The following FAM117B variants were observed in gnomAD, a reference collection of about 807,000 sequenced individuals.
FAM117B encodes the protein protein FAM117B.
Under a neutral mutation model 52.8 loss-of-function variants are expected in FAM117B, and 22 were observed. The observed-to-expected ratio is 0.42, with a 90% CI of 0.30 to 0.59. The LOEUF (loss-of-function observed/expected upper bound fraction) is 0.59. FAM117B is among the 20% of genes least tolerant of loss of function. FAM117B has a pLI of 0.22. For synonymous variants in FAM117B, 309 were observed against 324.1 expected (o/e 0.95, Z 0.50); for missense variants, 678 against 802.6 (o/e 0.84, Z 1.88).
chr2:202,663,876 G>A lies in FAM117B; in HGVS notation c.601+28088G>A, dbSNP rs954544533. 1.4e-4 allele frequency among the ~76,000 whole-genome samples: 21 copies of A among 152,192 alleles called. 1 individual carries two copies. The highest frequency in any genetic ancestry group is 5.9e-4 in the Admixed American group (9 of 15,256). Reference sequence around the variant, plus strand: ...TGGGATTACAGGCGTGAGCCACTGCGCCCAGCCCCATTAAGCTTTTTATAT... The same window carrying A: ...TGGGATTACAGGCGTGAGCCACTGCACCCAGCCCCATTAAGCTTTTTATAT... On this transcript the variant is annotated intron_variant, in intron 1 of 7. Coordinates refer to ENST00000392238, the MANE Select transcript of FAM117B (RefSeq NM_173511.4).
intron 2 of FAM117B, among the ~76,000 whole-genome samples, chr2:202,716,874 T>G (rs914257430): frequency 6.6e-6 from 1 of 152,214 alleles, no homozygotes; most frequent in African/African-American, 2.4e-5. Flanking sequence ...TTTTAATTAT[T>G]TCAATCTCTT....
intron 1 of FAM117B, among the ~76,000 whole-genome samples, chr2:202,647,994 G>C (rs1574540059): frequency 6.6e-6 from 1 of 151,996 alleles, no homozygotes; most frequent in South Asian, 2.1e-4. Context: ...CTCTGTAATT[G>C]TATGGTTTAA....
intron 1 of FAM117B, among the ~76,000 whole-genome samples, chr2:202,693,525 G>A (rs987756239): frequency 2.0e-5 from 3 of 152,224 alleles, no homozygotes; most frequent in Admixed American, 6.5e-5. Context: ...GAACCTGGGA[G>A]GTGGAGGTTG....
chr2:202,718,977 C>T (rs114096698), intron 2 of FAM117B, among the ~76,000 whole-genome samples: 4 of 152,160 alleles, frequency 2.6e-5, no homozygotes, highest in Non-Finnish European at 5.9e-5. Context: ...TTCCTCTTGA[C>T]CTCCAATCGT....
At chr2:202,648,655 A>C (rs1201249545) in intron 1 of FAM117B, among the ~76,000 whole-genome samples, 1 of 151,862 alleles carries the variant, frequency 6.6e-6, no homozygotes, top group Non-Finnish European at 1.5e-5. Context: ...CATTTAGATC[A>C]TTTCTAGCCT....
At chr2:202,679,399 G>C (rs1427830325) in intron 1 of FAM117B, among the ~76,000 whole-genome samples, 3 of 152,148 alleles carry the variant, frequency 2.0e-5, no homozygotes, top group Admixed American at 2.0e-4. Context: ...AGAGAAGAGG[G>C]AACTGTGTAG....
At position 202,719,294 on chromosome 2, in the gene FAM117B, G is replaced by A. The variant is rs527775186; in HGVS notation, c.754-5623G>A. On this transcript the variant is annotated intron_variant, in intron 2 of 7. Coordinates refer to ENST00000392238, the MANE Select transcript of FAM117B (RefSeq NM_173511.4). ...TTTTTATTTGTCTTAGTAATTAATAGTGTTACTCTCATCATCTTTAATTTG... is the reference window on the plus strand; with the variant it reads ...TTTTTATTTGTCTTAGTAATTAATAATGTTACTCTCATCATCTTTAATTTG... Among the ~76,000 whole-genome samples the A allele has an allele frequency of 5.3e-5, 8 of 152,258 alleles. No individual in the cohort carries two copies. The East Asian group carries it at 1.5e-3, about 29-fold the overall frequency.
At chr2:202,683,348 A>C (rs1229288862) in intron 1 of FAM117B, among the ~76,000 whole-genome samples, 2 of 152,110 alleles carry the variant, frequency 1.3e-5, no homozygotes, top group Admixed American at 6.6e-5. Flanking sequence ...AAAAACCAAA[A>C]CAAAACAAAA....
intron 4 of FAM117B, among the ~76,000 whole-genome samples, chr2:202,730,901 C>T (rs963583604): frequency 6.6e-6 from 1 of 152,062 alleles, no homozygotes; most frequent in African/African-American, 2.4e-5. Context: ...ATAAATTGTA[C>T]TTTATCAAAA....
chr2:202,711,402 T>G (rs1188490391), intron 2 of FAM117B, among the ~76,000 whole-genome samples: 1 of 152,188 alleles, frequency 6.6e-6, no homozygotes, highest in African/African-American at 2.4e-5. Context: ...AATTGGATTA[T>G]TAGAGTTTTG....
chr2:202,703,903 C>G (rs1179563843), intron 2 of FAM117B, among the ~76,000 whole-genome samples: 2 of 152,208 alleles, frequency 1.3e-5, no homozygotes, highest in Non-Finnish European at 1.5e-5. Flanking sequence ...AACTTTTTCA[C>G]AGCAGCTGTA....
intron 4 of FAM117B, among the ~76,000 whole-genome samples, chr2:202,753,420 A>G (rs1691754259): frequency 6.6e-6 from 1 of 152,182 alleles, no homozygotes; most frequent in African/African-American, 2.4e-5. Context: ...CCTAGAAGAA[A>G]ACCTAGGCAA....
chr2:202,736,157 A>G (rs573717399), intron 4 of FAM117B, among the ~76,000 whole-genome samples: 1 of 152,362 alleles, frequency 6.6e-6, no homozygotes, highest in South Asian at 2.1e-4. Context: ...TTACTGCCCT[A>G]CACTAAAATC....
intron 2 of FAM117B, among the ~76,000 whole-genome samples, chr2:202,718,499 A>G (rs1001750320): frequency 9.9e-5 from 15 of 152,170 alleles, no homozygotes; most frequent in Admixed American, 5.2e-4. Flanking sequence ...GGCATATTAT[A>G]TCAGTTGATT....
At chr2:202,709,972 T>C (rs1690933762) in intron 2 of FAM117B, among the ~76,000 whole-genome samples, 3 of 152,240 alleles carry the variant, frequency 2.0e-5, no homozygotes, top group South Asian at 4.1e-4. Context: ...CTGTCTATAC[T>C]GTCCCATTGA....
intron 4 of FAM117B, among the ~76,000 whole-genome samples, chr2:202,745,107 C>G (rs1691610830): frequency 6.6e-6 from 1 of 151,748 alleles, no homozygotes; most frequent in African/African-American, 2.4e-5. Context: ...TGACAAAACC[C>G]TGTCTCTACT....
intron 6 of FAM117B, among the ~76,000 whole-genome samples, chr2:202,758,802 G>A (rs911887749): frequency 1.3e-5 from 2 of 152,150 alleles, no homozygotes; most frequent in African/African-American, 2.4e-5. Flanking sequence ...TTTGGCATCC[G>A]GTAGCTCTCA....
chr2:202,747,549 TA>T (rs1691652879), intron 4 of FAM117B, among the ~76,000 whole-genome samples: 1 of 151,944 alleles, frequency 6.6e-6, no homozygotes, highest in Non-Finnish European at 1.5e-5. Context: ...GTACATAAAA[TA>T]AGAACCAAAA....
At chr2:202,682,120 G>C (rs796471680) in intron 1 of FAM117B, among the ~76,000 whole-genome samples, 10 of 152,286 alleles carry the variant, frequency 6.6e-5, no homozygotes, top group African/African-American at 2.4e-4. Context: ...CTCCTTTTCA[G>C]CTCCTCTTCA....
Sources: allele counts gnomAD v4.1 joint callset (sites outside exome capture counted in the v4.1 genomes callset), GRCh38; gene constraint gnomAD v4.1.1; transcripts MANE v1.5; gene names NCBI Gene and HGNC (gene_info 2026-07-23, HGNC 2026-07-21).